The following KCNIP1 variants were observed in gnomAD, a reference collection of about 807,000 sequenced individuals.
KCNIP1 encodes the protein A-type potassium channel modulatory protein KCNIP1.
Under a neutral mutation model 33.0 loss-of-function variants are expected in KCNIP1, and 18 were observed. The ratio of observed to expected loss-of-function variants is 0.55; its 90% CI spans 0.38 to 0.81. The LOEUF (loss-of-function observed/expected upper bound fraction) is 0.81. Among genes scored for constraint, KCNIP1 ranks in the 30% least tolerant of loss-of-function variants. The probability of loss-of-function intolerance (pLI) is 0.00; values close to 1 mark genes in which losing one functional copy is unlikely to be tolerated. For missense variants in KCNIP1, 238 were observed against 271.6 expected (o/e 0.88, Z 0.87); for synonymous variants, 93 against 98.3 (o/e 0.95, Z 0.32).
chr5:170,624,949 C>T (rs543804117), intron 1 of KCNIP1, among the ~76,000 whole-genome samples: 28 of 152,294 alleles, frequency 1.8e-4, no homozygotes, highest in African/African-American at 6.7e-4. Context: ...TGTTCTCCAG[C>T]ATGGCACATG....
intron 1 of KCNIP1, among the ~76,000 whole-genome samples, chr5:170,406,350 C>T (rs189465200): frequency 9.3e-4 from 142 of 152,296 alleles, no homozygotes; most frequent in South Asian, 7.0e-3. Flanking sequence ...AGGGCAAGGG[C>T]TCTGGAGTTC....
At chr5:170,718,910 T>C (rs771794095) in intron 2 of KCNIP1, 28 bp downstream of exon 2, 2 of 1,591,146 alleles carry the variant, frequency 1.3e-6, no homozygotes, top group Admixed American at 1.8e-5. Context: ...TCTGAAGGCC[T>C]GGGGGGGGTT....
At chr5:170,373,006 C>T (rs1464296629) in intron 1 of KCNIP1, among the ~76,000 whole-genome samples, 1 of 152,186 alleles carries the variant, frequency 6.6e-6, no homozygotes, top group Non-Finnish European at 1.5e-5. Context: ...GAAGGAATCA[C>T]AAACGTGGTC....
intron 1 of KCNIP1, chr5:170,385,372 A>G: frequency 6.2e-7 from 1 of 1,614,072 alleles, no homozygotes; most frequent in South Asian, 1.1e-5. Context: ...ATGACGGCAC[A>G]CACCACCATG....
At chr5:170,387,223 G>A (rs901685450) in intron 1 of KCNIP1, among the ~76,000 whole-genome samples, 1 of 152,128 alleles carries the variant, frequency 6.6e-6, no homozygotes, top group Non-Finnish European at 1.5e-5. Context: ...AGATATCAGG[G>A]GGACTTTATT....
intron 1 of KCNIP1, among the ~76,000 whole-genome samples, chr5:170,663,684 C>T (rs1291728377): frequency 2.6e-5 from 4 of 152,088 alleles, no homozygotes; most frequent in African/African-American, 9.7e-5. Context: ...AAACCAGAGG[C>T]CTGGGAGTCA....
At chr5:170,552,751 A>C (rs1480471315) in intron 1 of KCNIP1, among the ~76,000 whole-genome samples, 1 of 152,230 alleles carries the variant, frequency 6.6e-6, no homozygotes, top group Non-Finnish European at 1.5e-5. Context: ...GGCCACTAGA[A>C]GGGCTTACGC....
intron 1 of KCNIP1, among the ~76,000 whole-genome samples, chr5:170,430,631 C>T (rs985376701): frequency 6.6e-6 from 1 of 152,262 alleles, no homozygotes; most frequent in Admixed American, 6.5e-5. Flanking sequence ...AGGATGGGAA[C>T]GTCCTCATTT....
chr5:170,554,356 A>T (rs895096046), intron 1 of KCNIP1, among the ~76,000 whole-genome samples: 8 of 151,986 alleles, frequency 5.3e-5, no homozygotes, highest in Non-Finnish European at 1.2e-4. Flanking sequence ...CGGATTCGAG[A>T]CTTGCTCGAT....
intron 1 of KCNIP1, among the ~76,000 whole-genome samples, chr5:170,480,068 C>T (rs901411185): frequency 4.6e-5 from 7 of 152,168 alleles, no homozygotes; most frequent in Non-Finnish European, 8.8e-5. Context: ...GCACACAAAA[C>T]GTCATACTGA....
intron 1 of KCNIP1, among the ~76,000 whole-genome samples, chr5:170,411,811 G>A (rs998475102): frequency 1.3e-5 from 2 of 152,156 alleles, no homozygotes; most frequent in African/African-American, 4.8e-5. Flanking sequence ...AAGTAACAGT[G>A]TCAATAAACC....
chr5:170,600,309 G>C (rs1328533462), intron 1 of KCNIP1, among the ~76,000 whole-genome samples: 1 of 152,214 alleles, frequency 6.6e-6, no homozygotes, highest in African/African-American at 2.4e-5. Context: ...GGAATGACCA[G>C]CATTTCTCTG....
In KCNIP1 at chr5:170,459,753, T is replaced by C. The variant is rs560830095; in HGVS notation, c.88+105789T>C. ...ATTGAAAAGTCTGAAAGAGCACAAA[T>C]AGATAATCTAAAGTCACACCTCAAG... On this transcript the variant is annotated intron_variant, in intron 1 of 7. Transcript: ENST00000377360. Among the ~76,000 whole-genome samples the C allele has an allele frequency of 3.3e-5, 5 of 152,090 alleles. No homozygotes were observed. In the South Asian group the frequency reaches 6.2e-4, roughly 19 times the overall value.
chr5:170,394,932 C>T (rs1204806995), intron 1 of KCNIP1, among the ~76,000 whole-genome samples: 1 of 152,198 alleles, frequency 6.6e-6, no homozygotes, highest in African/African-American at 2.4e-5. Flanking sequence ...ATGATTTCAT[C>T]CTTTGTTATG....
intron 1 of KCNIP1, among the ~76,000 whole-genome samples, chr5:170,676,177 G>A (rs570078025): frequency 2.1e-5 from 1 of 48,056 alleles, no homozygotes; most frequent in African/African-American, 7.3e-5. Context: ...AAGAAGGAAG[G>A]AAAGGAAAGG....
chr5:170,495,978 C>T (rs867684790), intron 1 of KCNIP1, among the ~76,000 whole-genome samples: 3 of 152,136 alleles, frequency 2.0e-5, no homozygotes, highest in Non-Finnish European at 4.4e-5. Flanking sequence ...CCTGGGAGCC[C>T]GGAGCCAGCT....
intron 1 of KCNIP1, among the ~76,000 whole-genome samples, chr5:170,464,397 T>C (rs967377805): frequency 5.3e-5 from 8 of 152,240 alleles, no homozygotes; most frequent in African/African-American, 1.7e-4. Context: ...TTGCTGGAAT[T>C]CATATGGATT....
At chr5:170,726,910 CAAAAAAAG>C (rs760223821) in intron 5 of KCNIP1, among the ~76,000 whole-genome samples, 15 of 150,404 alleles carry the variant, frequency 1.0e-4, no homozygotes, top group Non-Finnish European at 1.9e-4. Context: ...GACCCTGTCT[CAAAAAAAG>C]AAAAAAAGAA....
In KCNIP1 at chr5:170,626,426, C is replaced by T. The variant is rs141612839; in HGVS notation, c.62-92332C>T. 4.2e-3 allele frequency among the ~76,000 whole-genome samples: 646 copies of T among 152,256 alleles called. 5 individuals are homozygous for T. Among genetic ancestry groups the T allele is most frequent in the African/African-American group, 0.014 (595 of 41,536 alleles). ...GGGGGTGGGGAAGGCAGTCTGCCCC[C>T]CTCCCATGGCACCGTGAGCAGGTGT... On this transcript the variant is annotated intron_variant, in intron 1 of 7. Coordinates refer to ENST00000328939, the MANE Select transcript of KCNIP1 (RefSeq NM_014592.4).
Sources: gnomAD v4.1 joint callset for allele counts (sites outside exome capture counted in the v4.1 genomes callset) on GRCh38, gnomAD v4.1.1 for gene constraint, MANE v1.5 for transcripts, NCBI Gene and HGNC (gene_info 2026-07-23, HGNC 2026-07-21) for gene names.